The following XRN2 variants were observed in gnomAD, a reference collection of about 807,000 sequenced individuals.
XRN2 encodes the protein 5'-3' exoribonuclease 2.
A neutral mutation model predicts 138.5 loss-of-function variants in XRN2; 44 were observed. The observed-to-expected ratio is 0.32, with a 90% confidence interval of 0.25 to 0.41. The LOEUF (loss-of-function observed/expected upper bound fraction) is 0.41. Among genes scored for constraint, XRN2 ranks in the 10% least tolerant of loss-of-function variants. The pLI is 1.00. For synonymous variants in XRN2, 354 were observed against 369.4 expected, an observed-to-expected ratio of 0.96 and a Z score of 0.48; for missense variants, 937 against 1,169.3, an observed-to-expected ratio of 0.80 and a Z score of 2.90.
chr20:21,340,806 G>C lies in XRN2; in HGVS notation c.1364G>C (p.Ser455Thr), dbSNP rs768809303. The C allele has an allele frequency of 4.9e-5, 79 of 1,613,888 alleles. No individual in the cohort carries two copies. The South Asian group carries it at 8.0e-4, about 16-fold the overall frequency. The change falls in exon 15 of 30, where the codon AGT becomes ACT. Residue 455 changes from serine (S) to threonine (T), a missense_variant. Ser to Thr is a moderately conservative substitution (Grantham distance 58). Transcript: ENST00000377191. Reference protein sequence around the residue: ...SRNSPGSQVASNPRQAAYEMR... With the variant: ...SRNSPGSQVATNPRQAAYEMR... ...AATTCACCAGGTTCTCAAGTAGCCA[G>C]TAATCCGAGACAAGCAGCCTATGAA...
In XRN2 at chr20:21,338,720, T is replaced by G. The variant is rs575630598; in HGVS notation, c.1234-324T>G. Reference sequence around the variant, plus strand: ...TATTTTATTTTTTAACTTACTTGTATCTTCTCCATATTGACAGCCTGTTTG... The same window carrying G: ...TATTTTATTTTTTAACTTACTTGTAGCTTCTCCATATTGACAGCCTGTTTG... On this transcript the variant is annotated intron_variant, in intron 13 of 29. Coordinates refer to ENST00000377191, the MANE Select transcript of XRN2 (RefSeq NM_012255.5). 5.3e-5 allele frequency among the ~76,000 whole-genome samples: 8 copies of G among 152,330 alleles called. No individual in the cohort carries two copies. The South Asian group carries it at 1.7e-3, about 32-fold the overall frequency.
intron 1 of XRN2, among the ~76,000 whole-genome samples, chr20:21,319,376 T>C (rs2038006863): frequency 6.6e-6 from 1 of 152,170 alleles, no homozygotes. Flanking sequence ...TCCATTCACA[T>C]TTTAATGTAA....
intron 24 of XRN2, among the ~76,000 whole-genome samples, chr20:21,363,915 G>A (rs1390388095): frequency 6.6e-6 from 1 of 152,102 alleles, no homozygotes; most frequent in African/African-American, 2.4e-5. Context: ...TGTCATTAAG[G>A]TCATTAAGTA....
chr20:21,332,153 C>T (rs2038220791), intron 8 of XRN2, 130 bp from the exon 9 acceptor site: 1 of 1,155,366 alleles, frequency 8.7e-7, no homozygotes, highest in Non-Finnish European at 1.2e-6. Context: ...AAGTGTCAAG[C>T]TTTGGGGCTT....
chr20:21,307,314 C>A lies in XRN2; in HGVS notation c.75+3841C>A, dbSNP rs112108936. ...CTCACTCTTTGAGTCTGGAGTCTTACGTTCTTCGGTTTTAGGGAATGCTGT... is the reference window on the plus strand; with the variant it reads ...CTCACTCTTTGAGTCTGGAGTCTTAAGTTCTTCGGTTTTAGGGAATGCTGT... On this transcript the variant is annotated intron_variant, in intron 1 of 29. Transcript: ENST00000377191. 2.6e-5 allele frequency among the ~76,000 whole-genome samples: 2 copies of A among 76,490 alleles called. 1 individual carries two copies. The highest frequency in any genetic ancestry group is 6.1e-5 in the Non-Finnish European group (2 of 32,572). 50.2% of individuals were successfully genotyped at this position (76,490 alleles called of 152,430 possible).
intron 1 of XRN2, among the ~76,000 whole-genome samples, chr20:21,325,252 G>A (rs931416708): frequency 3.3e-5 from 5 of 152,120 alleles, no homozygotes; most frequent in African/African-American, 9.7e-5. Flanking sequence ...ATTGTTAATA[G>A]TAAAAATTAG....
In XRN2 at chr20:21,340,812, C is replaced by T. The variant is rs139083502; in HGVS notation, c.1370C>T (p.Pro457Leu). The T allele has an allele frequency of 6.8e-4, 1,101 of 1,613,852 alleles. No homozygotes were observed. Among genetic ancestry groups the T allele is most frequent in the Non-Finnish European group, 8.3e-4 (982 of 1,179,864 alleles). ...NSPGSQVASN[P>L]RQAAYEMRMQ... is the part of the protein sequence containing the mutation. ...CCAGGTTCTCAAGTAGCCAGTAATC[C>T]GAGACAAGCAGCCTATGAAATGAGG... Residue 457 changes from proline to leucine, a missense_variant, in exon 15 of 30, where the codon CCG becomes CTG. This residue lies in a region of XRN2 where 471 missense variants were observed against 581.2 expected (regional missense o/e 0.81). Coordinates refer to ENST00000377191, the MANE Select transcript of XRN2 (RefSeq NM_012255.5).
chr20:21,340,791 G>A lies in XRN2; in HGVS notation c.1349G>A (p.Gly450Asp). 6.2e-7 allele frequency: 1 copy of A among 1,613,946 alleles called. No individual in the cohort carries two copies. The highest frequency in any genetic ancestry group is 8.5e-7 in the Non-Finnish European group (1 of 1,179,896). The change falls in exon 15 of 30, where the codon GGT becomes GAT. Residue 450 changes from glycine to aspartate, a missense_variant. Coordinates refer to ENST00000377191, the MANE Select transcript of XRN2 (RefSeq NM_012255.5). ...PHALGSRNSP[G>D]SQVASNPRQA... is the part of the protein sequence containing the mutation. ...GCCTTGGGTTCAAGAAATTCACCAG[G>A]TTCTCAAGTAGCCAGTAATCCGAGA... is the stretch of plus-strand genomic sequence containing the variant.
intron 16 of XRN2, 42 bp from the exon 17 acceptor site, chr20:21,346,373 A>G (rs2038435367): frequency 1.2e-6 from 2 of 1,607,294 alleles, no homozygotes; most frequent in East Asian, 4.5e-5. Context: ...CTGTTACTGA[A>G]GGTGTGTTAA....
chr20:21,356,490 C>T (rs1033115005), intron 22 of XRN2, 96 bp from the exon 23 acceptor site: 3 of 1,092,058 alleles, frequency 2.7e-6, no homozygotes, highest in Non-Finnish European at 4.0e-6. Context: ...TGCCTTTTGG[C>T]TCTTATGAAT....
Position 21,307,971 on chromosome 20 carries a change from C to G in XRN2, c.75+4498C>G, listed in dbSNP as rs1433209986. On this transcript the variant is annotated intron_variant, in intron 1 of 29. Coordinates refer to ENST00000377191, the MANE Select transcript of XRN2 (RefSeq NM_012255.5). ...TTTTTTTTTGAGATGGAGTCTCGCT[C>G]TGTCGCCCAGGCTGGAGTGCAGTGG... is the stretch of plus-strand genomic sequence containing the variant. 2.6e-5 allele frequency among the ~76,000 whole-genome samples: 2 copies of G among 75,488 alleles called. 1 individual carries two copies. Among genetic ancestry groups the G allele is most frequent in the Non-Finnish European group, 6.2e-5 (2 of 32,244 alleles). 49.5% of individuals were successfully genotyped at this position (75,488 alleles called of 152,430 possible).
chr20:21,308,555 T>C (rs1405522342), intron 1 of XRN2, among the ~76,000 whole-genome samples: 1 of 152,236 alleles, frequency 6.6e-6, no homozygotes, highest in African/African-American at 2.4e-5. Context: ...GGTAGTCCAG[T>C]GTACTGTTAC....
chr20:21,325,419 G>C (rs992934306), intron 1 of XRN2, among the ~76,000 whole-genome samples: 3 of 152,194 alleles, frequency 2.0e-5, no homozygotes, highest in African/African-American at 7.2e-5. Flanking sequence ...GTAAAACAGT[G>C]GAAGTGCTAC....
chr20:21,366,800 T>C (rs549430439), intron 26 of XRN2, among the ~76,000 whole-genome samples: 1 of 152,328 alleles, frequency 6.6e-6, no homozygotes, highest in South Asian at 2.1e-4. Flanking sequence ...TGTAAGTATT[T>C]TAATAACTTT....
chr20:21,388,707 A>C (rs2038959938), intron 29 of XRN2, among the ~76,000 whole-genome samples: 1 of 152,214 alleles, frequency 6.6e-6, no homozygotes, highest in African/African-American at 2.4e-5. Context: ...TGTTATACAG[A>C]AATGTTATTT....
chr20:21,305,027 C>T (rs1203294415), intron 1 of XRN2, among the ~76,000 whole-genome samples: 1 of 152,072 alleles, frequency 6.6e-6, no homozygotes, highest in Non-Finnish European at 1.5e-5. Flanking sequence ...GGCTGTCTTT[C>T]TTTTTCCACT....
In XRN2 at chr20:21,344,188, T is replaced by C. The variant is rs777928025; in HGVS notation, c.1509T>C (p.Pro503=). The change falls in exon 16 of 30, where the codon CCT becomes CCC. Residue 503 remains proline (P), a synonymous_variant. Coordinates refer to ENST00000377191, the MANE Select transcript of XRN2 (RefSeq NM_012255.5). ...AAGCAGAAGACAGTGACAGTGAACC[T>C]GAGCCAGAGGATAATGTCAGGTGAA... ...KRKAEDSDSE[P]EPEDNVRLWE... 1 of 1,612,866 alleles carries C rather than the reference T, an allele frequency of 6.2e-7. No homozygotes were observed. Among genetic ancestry groups the C allele is most frequent in the Non-Finnish European group, 8.5e-7 (1 of 1,179,046 alleles).
chr20:21,347,506 C>T (rs1439378048), intron 17 of XRN2, among the ~76,000 whole-genome samples: 3 of 152,136 alleles, frequency 2.0e-5, no homozygotes, highest in South Asian at 2.1e-4. Flanking sequence ...GAGTATTGAC[C>T]GTTAAGTACT....
intron 1 of XRN2, among the ~76,000 whole-genome samples, chr20:21,310,894 G>A (rs1296249251): frequency 7.2e-5 from 11 of 151,916 alleles, no homozygotes; most frequent in African/African-American, 2.4e-4. Context: ...ACAGGCGCCC[G>A]CCACCACGCC....
Sources: gnomAD v4.1 joint callset for allele counts (sites outside exome capture counted in the v4.1 genomes callset) on GRCh38, gnomAD v4.1.1 for gene constraint, gnomAD v4.1.1 regional missense constraint, MANE v1.5 for transcripts, NCBI Gene and HGNC (gene_info 2026-07-23, HGNC 2026-07-21) for gene names.